Variants in TASP1 observed in about 807,000 individuals in gnomAD.
The protein encoded by TASP1 is taspase 1.
In TASP1, 16 loss-of-function variants were observed where a neutral mutation model predicts 56.6. The observed-to-expected ratio is 0.28, with a 90% CI of 0.19 to 0.43. TASP1 has a LOEUF of 0.43. Among genes scored for constraint, TASP1 ranks in the 20% least tolerant of loss-of-function variants. The pLI, the probability that TASP1 is intolerant of heterozygous loss-of-function variation, is 1.00. For synonymous variants in TASP1, 179 were observed against 184.2 expected, an observed-to-expected ratio of 0.97 and a Z score of 0.23; for missense variants, 393 against 511.6, an observed-to-expected ratio of 0.77 and a Z score of 2.24.
the TASP1 span, chr20:13,166,659 A>G: frequency 6.6e-6 from 1 of 152,388 alleles, no homozygotes; most frequent in East Asian, 1.9e-4. Context: ...TCCAAAATGC[A>G]TAAATGCCTT....
At chr20:13,363,382 G>A in the TASP1 span, among the ~76,000 whole-genome samples, 1 of 152,102 alleles carries the variant, frequency 6.6e-6, no homozygotes, top group Non-Finnish European at 1.5e-5. Context: ...TAGGAGTGTG[G>A]TGCACCCTAA....
chr20:13,394,942 TAAG>T (rs929025283), intron 13 of TASP1, among the ~76,000 whole-genome samples: 1 of 152,144 alleles, frequency 6.6e-6, no homozygotes, highest in Non-Finnish European at 1.5e-5. Context: ...GATTTTAAAA[TAAG>T]AAAATTAAGA....
At chr20:13,275,709 G>GCTTA in the TASP1 span, among the ~76,000 whole-genome samples, 1 of 152,234 alleles carries the variant, frequency 6.6e-6, no homozygotes, top group African/African-American at 2.4e-5. Flanking sequence ...CATATGAAGT[G>GCTTA]CTTAGCACAG....
chr20:13,456,127 G>C (rs1022471985), intron 11 of TASP1, among the ~76,000 whole-genome samples: 1 of 152,124 alleles, frequency 6.6e-6, no homozygotes, highest in South Asian at 2.1e-4. Flanking sequence ...TGGCTACAAA[G>C]AGATGGAAGT....
chr20:13,142,329 G>A, the TASP1 span, among the ~76,000 whole-genome samples: 2 of 152,184 alleles, frequency 1.3e-5, no homozygotes, highest in Non-Finnish European at 2.9e-5. Flanking sequence ...TCCTCTGTGT[G>A]GTTGGACCCT....
the TASP1 span, among the ~76,000 whole-genome samples, chr20:13,240,826 T>G: frequency 6.6e-6 from 1 of 152,186 alleles, no homozygotes; most frequent in African/African-American, 2.4e-5. Flanking sequence ...GCTGTTGGAT[T>G]GCATTTCAGA....
intron 6 of TASP1, 101 bp from the exon 7 acceptor site, chr20:13,569,687 C>CA (rs2046650717): frequency 2.2e-6 from 2 of 925,558 alleles, no homozygotes; most frequent in South Asian, 3.6e-5. Flanking sequence ...AAAAGTCTTG[C>CA]ATATGGACAT....
intron 8 of TASP1, among the ~76,000 whole-genome samples, chr20:13,548,842 C>T (rs748540341): frequency 1.3e-5 from 2 of 152,092 alleles, no homozygotes; most frequent in Non-Finnish European, 2.9e-5. Context: ...CAAATACCGG[C>T]CCAATAGCTT....
the TASP1 span, among the ~76,000 whole-genome samples, chr20:13,279,034 A>G: frequency 8.5e-5 from 13 of 152,188 alleles, no homozygotes; most frequent in African/African-American, 2.9e-4. Context: ...GACAGAGTGA[A>G]TCACATGGCT....
At chr20:13,344,159 C>T in the TASP1 span, among the ~76,000 whole-genome samples, 1 of 152,020 alleles carries the variant, frequency 6.6e-6, no homozygotes. Flanking sequence ...GGACTCTCAT[C>T]CTGATATGGG....
chr20:13,327,360 T>A, the TASP1 span, among the ~76,000 whole-genome samples: 1 of 152,004 alleles, frequency 6.6e-6, no homozygotes, highest in African/African-American at 2.4e-5. Flanking sequence ...AGAATCAATA[T>A]CATGAAAATG....
chr20:13,573,915 C>G (rs1306316618), intron 6 of TASP1, among the ~76,000 whole-genome samples: 2 of 152,110 alleles, frequency 1.3e-5, no homozygotes, highest in Non-Finnish European at 2.9e-5. Flanking sequence ...GCAGCTCCAG[C>G]AATATCTCTG....
chr20:13,150,845 C>T, the TASP1 span, among the ~76,000 whole-genome samples: 1 of 152,332 alleles, frequency 6.6e-6, no homozygotes, highest in Non-Finnish European at 1.5e-5. Context: ...GAATACTCTC[C>T]TCTAGCTTTT....
chr20:13,317,112 C>T, the TASP1 span, among the ~76,000 whole-genome samples: 1 of 151,796 alleles, frequency 6.6e-6, no homozygotes, highest in African/African-American at 2.4e-5. Context: ...AAAGTTAATA[C>T]ACAAATGTTC....
chr20:13,555,447 T>C (rs1339683330), intron 8 of TASP1, among the ~76,000 whole-genome samples: 2 of 151,738 alleles, frequency 1.3e-5, no homozygotes, highest in East Asian at 1.9e-4. Context: ...TTCAGCATCT[T>C]CATCCAGAGT....
At chr20:13,108,518 C>G in the TASP1 span, among the ~76,000 whole-genome samples, 1 of 152,194 alleles carries the variant, frequency 6.6e-6, no homozygotes, top group Non-Finnish European at 1.5e-5. Context: ...ACATACGCTT[C>G]TTGAGAGCTT....
intron 7 of TASP1, among the ~76,000 whole-genome samples, chr20:13,561,613 C>A (rs543225169): frequency 6.6e-6 from 1 of 152,074 alleles, no homozygotes. Context: ...GTGATTCGCC[C>A]GCATCAGCCT....
At chr20:13,214,393 A>G in the TASP1 span, among the ~76,000 whole-genome samples, 1 of 152,076 alleles carries the variant, frequency 6.6e-6, no homozygotes, top group South Asian at 2.1e-4. Context: ...CTGTAGGTCT[A>G]CTAGGTGGCT....
intron 7 of TASP1, among the ~76,000 whole-genome samples, chr20:13,561,190 C>T (rs2046332584): frequency 6.6e-6 from 1 of 152,016 alleles, no homozygotes. Context: ...CTGGACCTAC[C>T]CTGCAAGAAA....
Sources: gnomAD v4.1 joint callset for allele counts (sites outside exome capture counted in the v4.1 genomes callset) on GRCh38, gnomAD v4.1.1 for gene constraint, MANE v1.5 for transcripts, NCBI Gene and HGNC (gene_info 2026-07-23, HGNC 2026-07-21) for gene names.